LRRC3B: variants seen among roughly 807,000 people sequenced by gnomAD.
LRRC3B encodes leucine rich repeat containing 3B, also known as leucine-rich repeat-containing protein 3B.
LRRC3B carries 2 observed loss-of-function variants against 12.8 expected under a neutral mutation model. The ratio of observed to expected loss-of-function variants is 0.16; its 90% CI spans 0.06 to 0.49. LRRC3B has a LOEUF of 0.49. LRRC3B is among the 20% of genes least tolerant of loss of function. LRRC3B has a pLI of 0.96. For missense variants in LRRC3B, 189 were observed against 319.4 expected (o/e 0.59, Z 3.11); for synonymous variants, 132 against 122.0 (o/e 1.08, Z -0.54).
chr3:26,709,362 T>A (rs1700689413), intron 1 of LRRC3B, among the ~76,000 whole-genome samples, 151 bp from the exon 2 acceptor site: 5 of 152,164 alleles, frequency 3.3e-5, no homozygotes, highest in Admixed American at 3.3e-4. Flanking sequence ...AGACTCCCAT[T>A]TCGCAGATAA....
intron 1 of LRRC3B, among the ~76,000 whole-genome samples, chr3:26,679,072 A>G (rs1699919241): frequency 6.6e-6 from 1 of 152,194 alleles, no homozygotes; most frequent in Non-Finnish European, 1.5e-5. Context: ...CATAGCCATA[A>G]CCTAGACAGC....
At chr3:26,688,726 A>G (rs778248537) in intron 1 of LRRC3B, among the ~76,000 whole-genome samples, 7 of 152,144 alleles carry the variant, frequency 4.6e-5, no homozygotes, top group Admixed American at 2.0e-4. Flanking sequence ...CCGTGTTCCA[A>G]TCACCTCCCA....
At chr3:26,658,248 C>T (rs905945726) in intron 1 of LRRC3B, among the ~76,000 whole-genome samples, 1 of 151,990 alleles carries the variant, frequency 6.6e-6, no homozygotes, top group African/African-American at 2.4e-5. Context: ...TTAGTAGAGA[C>T]GGGGTTTCAC....
chr3:26,706,692 CTGGAGAAACCCTGATTA>C (rs1280857066), intron 1 of LRRC3B, among the ~76,000 whole-genome samples: 9 of 152,150 alleles, frequency 5.9e-5, no homozygotes, highest in South Asian at 4.1e-4. Context: ...ACTGATCATT[CTGGAGAAACCCTGATTA>C]TGGAGAAACC....
intron 1 of LRRC3B, among the ~76,000 whole-genome samples, chr3:26,654,671 T>C (rs1474368127): frequency 6.6e-6 from 1 of 152,198 alleles, no homozygotes; most frequent in Middle Eastern, 3.2e-3. Flanking sequence ...GACTATAGCC[T>C]GGAGGCATAA....
At position 26,651,009 on chromosome 3, in the gene LRRC3B, T is replaced by A. The variant is rs115434380; in HGVS notation, c.-161+27772T>A. Among the ~76,000 whole-genome samples, 757 of 152,360 alleles carry A rather than the reference T, an allele frequency of 5.0e-3. 6 individuals are homozygous for A. The highest frequency in any genetic ancestry group is 0.017 in the African/African-American group (721 of 41,584). ...TAAATTAATTCTGTCATTCTGTGTG[T>A]CCACACTTGTGGTGTTTATATTGGT... On this transcript the variant is annotated intron_variant, in intron 1 of 1. Coordinates refer to ENST00000396641, the Ensembl canonical transcript of LRRC3B.
intron 1 of LRRC3B, among the ~76,000 whole-genome samples, chr3:26,705,864 A>G (rs905613776): frequency 3.9e-5 from 6 of 152,176 alleles, no homozygotes; most frequent in African/African-American, 1.4e-4. Context: ...TGTCAAACTG[A>G]TAATCCCTTT....
At chr3:26,704,768 C>T (rs1700544164) in intron 1 of LRRC3B, among the ~76,000 whole-genome samples, 1 of 152,036 alleles carries the variant, frequency 6.6e-6, no homozygotes, top group South Asian at 2.1e-4. Context: ...AATAATCAAC[C>T]TTTTGTTTTG....
chr3:26,656,337 G>A (rs983774014), intron 1 of LRRC3B, among the ~76,000 whole-genome samples: 3 of 152,178 alleles, frequency 2.0e-5, no homozygotes, highest in Non-Finnish European at 4.4e-5. Context: ...TGTGCGGGCA[G>A]TTTGAGGGTG....
At chr3:26,700,160 G>A (rs1218738596) in intron 1 of LRRC3B, among the ~76,000 whole-genome samples, 3 of 152,134 alleles carry the variant, frequency 2.0e-5, no homozygotes, top group Non-Finnish European at 4.4e-5. Flanking sequence ...AACTGACTGA[G>A]ATCTAGAACA....
exon 2 of LRRC3B, chr3:26,710,655 G>C (rs117691628): frequency 2.0e-6 from 1 of 491,814 alleles, no homozygotes; most frequent in Non-Finnish European, 3.6e-6. Context: ...TTGTACCCCC[G>C]ATGGTATATT....
At chr3:26,696,670 G>A (rs1458149190) in intron 1 of LRRC3B, among the ~76,000 whole-genome samples, 2 of 152,010 alleles carry the variant, frequency 1.3e-5, no homozygotes, top group African/African-American at 4.8e-5. Context: ...TCACTGTGAG[G>A]GACATACTAA....
At chr3:26,687,169 C>T (rs1389265625) in intron 1 of LRRC3B, among the ~76,000 whole-genome samples, 1 of 152,076 alleles carries the variant, frequency 6.6e-6, no homozygotes. Flanking sequence ...TCCATTGGTT[C>T]CAGGGTTCTA....
At chr3:26,705,914 C>T (rs1386027024) in intron 1 of LRRC3B, among the ~76,000 whole-genome samples, 1 of 152,156 alleles carries the variant, frequency 6.6e-6, no homozygotes. Flanking sequence ...GAGAGCAGCT[C>T]TTCCATCCTC....
chr3:26,636,916 C>CTCTTTCTTTCTTTCTT (rs559017147), intron 1 of LRRC3B, among the ~76,000 whole-genome samples: 31 of 71,104 alleles, frequency 4.4e-4, no homozygotes, highest in Non-Finnish European at 5.4e-4. Context: ...CTCTCTTTCT[C>CTCTTTCTTTCTTTCTT]TCTTTCTTTC....
chr3:26,695,602 A>G (rs1169160260), intron 1 of LRRC3B, among the ~76,000 whole-genome samples: 1 of 152,244 alleles, frequency 6.6e-6, no homozygotes, highest in Non-Finnish European at 1.5e-5. Context: ...AAACAGGTTT[A>G]TATACATGTG....
intron 1 of LRRC3B, among the ~76,000 whole-genome samples, chr3:26,631,828 G>A (rs1024752610): frequency 2.6e-5 from 4 of 151,150 alleles, no homozygotes; most frequent in African/African-American, 9.9e-5. Flanking sequence ...AAATGTTCTG[G>A]GCTCTACTTC....
chr3:26,648,139 A>G (rs1175103225), intron 1 of LRRC3B, among the ~76,000 whole-genome samples: 3 of 151,754 alleles, frequency 2.0e-5, no homozygotes, highest in Non-Finnish European at 4.4e-5. Flanking sequence ...TTTACTATTT[A>G]TAACATTTTC....
exon 2 of LRRC3B, chr3:26,709,871 G>C (rs757960474): frequency 6.2e-7 from 1 of 1,614,086 alleles, no homozygotes; most frequent in Admixed American, 1.7e-5. Flanking sequence ...TCCTGAAACA[G>C]TCTTACTGTA....
Sources: allele counts gnomAD v4.1 joint callset (sites outside exome capture counted in the v4.1 genomes callset), GRCh38; gene constraint gnomAD v4.1.1; transcripts MANE v1.5; gene names NCBI Gene and HGNC (gene_info 2026-07-23, HGNC 2026-07-21).